The following TWIST1 variants were observed in gnomAD, a reference collection of about 807,000 sequenced individuals.
The protein encoded by TWIST1 is twist family bHLH transcription factor 1, also known as twist-related protein 1.
TWIST1 carries 8 observed loss-of-function variants against 12.9 expected under a neutral mutation model. The observed-to-expected ratio is 0.62, with a 90% CI of 0.37 to 1.12. The LOEUF is 1.12. Ranked by LOEUF, TWIST1 falls within the 50% of genes most tolerant of loss-of-function variation. The pLI is 0.02. For synonymous variants in TWIST1, 169 were observed against 138.7 expected, an observed-to-expected ratio of 1.22 and a Z score of -1.54; for missense variants, 268 against 299.7, an observed-to-expected ratio of 0.89 and a Z score of 0.78.
At position 19,117,423 on chromosome 7, in the gene TWIST1, A is replaced by C. The variant is rs548571073; in HGVS notation, c.-102T>G. Reference sequence around the variant, plus strand: ...CCCGCGCGCGGCGCCGGCCCGGGCGATGCGGCCCGCGGAGGAGAGAGCAGG... The same window carrying C: ...CCCGCGCGCGGCGCCGGCCCGGGCGCTGCGGCCCGCGGAGGAGAGAGCAGG... On this transcript the variant is annotated 5_prime_UTR_variant, in exon 1 of 2. Transcript: ENST00000242261. 4 of 1,197,272 alleles carry C rather than the reference A, an allele frequency of 3.3e-6. No individual in the cohort carries two copies. The highest frequency in any genetic ancestry group is 2.6e-5 in the South Asian group (1 of 37,942). The allele number at this position is 1,197,272 out of a possible 1,614,324, so 74.2% of individuals were successfully genotyped here. A position where few individuals can be genotyped will look rare whatever the true frequency, so the allele number is the denominator to read the frequency against.
downstream of TWIST1, chr7:19,113,426 G>A (rs1788509191): frequency 1.3e-5 from 2 of 152,074 alleles, no homozygotes; most frequent in African/African-American, 2.4e-5. Flanking sequence ...TTTAAATAAG[G>A]GTAGGTAGCA....
At chr7:19,114,079 T>G (rs1788520689), downstream of TWIST1, 1 of 152,088 alleles carries the variant, frequency 6.6e-6, no homozygotes, top group African/African-American at 2.4e-5. Context: ...ATTTCTAACC[T>G]GCCTTACACA....
chr7:19,113,249 TAAAGG>T (rs970306104), downstream of TWIST1: 1 of 152,084 alleles, frequency 6.6e-6, no homozygotes, highest in Non-Finnish European at 1.5e-5. Flanking sequence ...AATAGCACAG[TAAAGG>T]AAACATTAAA....
Position 19,117,337 on chromosome 7 carries a change from G to A in TWIST1, c.-16C>T. 2 of 1,445,742 alleles carry A rather than the reference G, an allele frequency of 1.4e-6. No individual in the cohort carries two copies. The highest frequency in any genetic ancestry group is 2.4e-5 in the Admixed American group (1 of 42,334). 89.6% of individuals were successfully genotyped at this position (1,445,742 alleles called of 1,614,324 possible). On this transcript the variant is annotated 5_prime_UTR_variant, in exon 1 of 2. Transcript: ENST00000242261. ...CCTGCATCATCTCTCGAGCGGCGAC[G>A]CGTGGCCTCGCGGGCCCGGGGCAGA...
Position 19,117,395 on chromosome 7 carries a change from T to G in TWIST1, c.-74A>C, listed in dbSNP as rs1040535200. On this transcript the variant is annotated 5_prime_UTR_variant, in exon 1 of 2. Transcript: ENST00000242261. ...AGCGGGGCGCCTCAGCCCGCCAGCT[T>G]CCCCCGCGCGCGGCGCCGGCCCGGG... The G allele has an allele frequency of 3.1e-6, 4 of 1,297,210 alleles. No homozygotes were observed. The African/African-American group carries it at 6.3e-5, about 20-fold the overall frequency. 80.4% of individuals were successfully genotyped at this position (1,297,210 alleles called of 1,614,324 possible). A position where few individuals can be genotyped will look rare whatever the true frequency, so the allele number is the denominator to read the frequency against.
chr7:19,117,256 T>A lies in TWIST1; in HGVS notation c.66A>T (p.Glu22Asp). The A allele has an allele frequency of 6.8e-7, 1 of 1,460,150 alleles. No homozygotes were observed. The highest frequency in any genetic ancestry group is 1.3e-5 in the South Asian group (1 of 77,680). The allele number at this position is 1,460,150 out of a possible 1,614,324, so 90.4% of individuals were successfully genotyped here. ...PADDSLSNSE[E>D]EPDRQQPPSG... ...TCGGCGGCTGCTGCCGGTCTGGCTC[T>A]TCCTCGCTGTTGCTCAGGCTGTCGT... Residue 22 changes from glutamate to aspartate, a missense_variant, in exon 1 of 2, where the codon GAA becomes GAT. Around this residue, in one of 2 missense-constraint regions of TWIST1, gnomAD observed 189 missense variants for 172.1 expected, o/e 1.10. Transcript: ENST00000242261.
At chr7:19,116,612 C>A (rs1339137126) in intron 1 of TWIST1, 59 bp downstream of exon 1, 1 of 1,376,510 alleles carries the variant, frequency 7.3e-7, no homozygotes, top group African/African-American at 1.4e-5. Context: ...GAACCGCGGC[C>A]TGGCCGGCCT....
Position 19,117,376 on chromosome 7 carries a change from G to T in TWIST1, c.-55C>A. The T allele has an allele frequency of 1.5e-6, 2 of 1,371,002 alleles. No individual in the cohort carries two copies. The highest frequency in any genetic ancestry group is 1.9e-6 in the Non-Finnish European group (2 of 1,054,820). 84.9% of individuals were successfully genotyped at this position (1,371,002 alleles called of 1,614,324 possible). On this transcript the variant is annotated 5_prime_UTR_variant, in exon 1 of 2. Transcript: ENST00000242261. Reference sequence around the variant, plus strand: ...GCCCGGGGCAGAGGAGAAGAGCGGGGCGCCTCAGCCCGCCAGCTTCCCCCG... The same window carrying T: ...GCCCGGGGCAGAGGAGAAGAGCGGGTCGCCTCAGCCCGCCAGCTTCCCCCG...
chr7:19,117,604 G>A lies in TWIST1; in HGVS notation c.-283C>T. On this transcript the variant is annotated 5_prime_UTR_variant, in exon 1 of 2. Coordinates refer to ENST00000242261, the MANE Select transcript of TWIST1 (RefSeq NM_000474.4). ...CGCCAGGCCTCCTGGAAACGGTGCC[G>A]GTGCTGCAGAGCCCGCGAGGTGTCT... The A allele has an allele frequency of 3.7e-6, 4 of 1,081,786 alleles. No individual in the cohort carries two copies. The highest frequency in any genetic ancestry group is 4.5e-6 in the Non-Finnish European group (4 of 882,592). The allele number at this position is 1,081,786 out of a possible 1,614,324, so 67.0% of individuals were successfully genotyped here.
chr7:19,116,875 G>A lies in TWIST1; in HGVS notation c.447C>T (p.Leu149=), dbSNP rs764821930. The A allele has an allele frequency of 1.9e-6, 3 of 1,614,174 alleles. No individual in the cohort carries two copies. In the South Asian group the frequency reaches 3.3e-5, roughly 18 times the overall value. The part of the protein sequence containing the change: ...PSDKLSKIQT[L]KLAARYIDFL... ...AGTCGATGTACCTGGCCGCCAGCTT[G>A]AGGGTCTGAATCTTGCTCAGCTTGT... Residue 149 remains leucine (L), a synonymous_variant, in exon 1 of 2, where the codon CTC becomes CTT. Transcript: ENST00000242261.
rs779988331 is a variant in TWIST1 at position 19,117,019 on chromosome 7, C to T, written c.303G>A (p.Gln101=). The change falls in exon 1 of 2, where the codon CAG becomes CAA. Residue 101 remains glutamine (Q), a synonymous_variant. Coordinates refer to ENST00000242261, the MANE Select transcript of TWIST1 (RefSeq NM_000474.4). ...GGSSSGGGSP[Q]SYEELQTQRV... ...GCTGCGTCTGCAGCTCCTCGTAAGA[C>T]TGCGGACTCCCGCCGCCGCTGCTGC... 2 of 1,536,470 alleles carry T rather than the reference C, an allele frequency of 1.3e-6. No homozygotes were observed. Among genetic ancestry groups the T allele is most frequent in the South Asian group, 2.5e-5 (2 of 81,298 alleles).
rs1788573737 is a variant in TWIST1 at position 19,116,664 on chromosome 7, T to A, written c.*42+7A>T. Reference sequence around the variant, plus strand: ...GAGGCGAAGGGGTGCAGCGGCGCGGTCCTTACCTAGGTCTCCGGCCCTGCT... The same window carrying A: ...GAGGCGAAGGGGTGCAGCGGCGCGGACCTTACCTAGGTCTCCGGCCCTGCT... On this transcript the variant is annotated splice_region_variant and intron_variant, in intron 1 of 1. Coordinates refer to ENST00000242261, the MANE Select transcript of TWIST1 (RefSeq NM_000474.4). 1.2e-5 allele frequency: 19 copies of A among 1,553,132 alleles called. No homozygotes were observed. The highest frequency in any genetic ancestry group is 1.7e-5 in the Non-Finnish European group (19 of 1,151,236).
At chr7:19,114,976 ATTTACAC>A (rs1788536688), downstream of TWIST1, among the ~76,000 whole-genome samples, 1 of 152,290 alleles carries the variant, frequency 6.6e-6, no homozygotes, top group Middle Eastern at 3.4e-3. Context: ...TTTTCTGCTG[ATTTACAC>A]TTTATTTTCT....
At position 19,116,779 on chromosome 7, in the gene TWIST1, C is replaced by T; in HGVS notation, c.543G>A (p.Glu181=). Residue 181 remains glutamate (E), a synonymous_variant, in exon 1 of 2, where the codon GAG becomes GAA. Transcript: ENST00000242261. ...KMASCSYVAH[E]RLSYAFSVWR... Reference sequence around the variant, plus strand: ...AGACCGAGAAGGCGTAGCTGAGCCGCTCGTGAGCCACATAGCTGCAGCTTG... The same window carrying T: ...AGACCGAGAAGGCGTAGCTGAGCCGTTCGTGAGCCACATAGCTGCAGCTTG... The T allele has an allele frequency of 6.2e-7, 1 of 1,613,954 alleles. No individual in the cohort carries two copies. The highest frequency in any genetic ancestry group is 8.5e-7 in the Non-Finnish European group (1 of 1,179,932).
Position 19,117,007 on chromosome 7 carries a change from C to T in TWIST1, c.315G>A (p.Glu105=). ...TGGCCATGACCCGCTGCGTCTGCAG[C>T]TCCTCGTAAGACTGCGGACTCCCGC... ...SGGGSPQSYE[E]LQTQRVMANV... The change falls in exon 1 of 2, where the codon GAG becomes GAA. Residue 105 remains glutamate (E), a synonymous_variant. Transcript: ENST00000242261. The T allele has an allele frequency of 6.2e-7, 1 of 1,604,154 alleles. No homozygotes were observed. Among genetic ancestry groups the T allele is most frequent in the Non-Finnish European group, 8.5e-7 (1 of 1,178,306 alleles).
Position 19,116,703 on chromosome 7 carries a change from G to T in TWIST1, c.*10C>A, listed in dbSNP as rs1362688958. 4.4e-6 allele frequency: 7 copies of T among 1,595,060 alleles called. No individual in the cohort carries two copies. Among genetic ancestry groups the T allele is most frequent in the East Asian group, 2.3e-5 (1 of 43,864 alleles). On this transcript the variant is annotated 3_prime_UTR_variant, in exon 1 of 2. Transcript: ENST00000242261. ...TCCGGCCCTGCTGAGGGGGTGGGGGGCTCCGCCTGCTAGTGGGACGCGGAC... is the reference window on the plus strand; with the variant it reads ...TCCGGCCCTGCTGAGGGGGTGGGGGTCTCCGCCTGCTAGTGGGACGCGGAC...
chr7:19,115,115 CATA>C (rs752657038), downstream of TWIST1, among the ~76,000 whole-genome samples: 2 of 152,132 alleles, frequency 1.3e-5, no homozygotes, highest in Non-Finnish European at 2.9e-5. Context: ...ACAAAAAGTA[CATA>C]ATAAGAGAAT....
chr7:19,115,056 C>A (rs1463374674), downstream of TWIST1, among the ~76,000 whole-genome samples: 2 of 152,042 alleles, frequency 1.3e-5, no homozygotes, highest in Non-Finnish European at 2.9e-5. Context: ...TATGTTTTCA[C>A]TGAAAAGAAC....
chr7:19,116,815 G>A lies in TWIST1; in HGVS notation c.507C>T (p.Asp169=), dbSNP rs1197325556. 1.9e-6 allele frequency: 3 copies of A among 1,614,172 alleles called. No homozygotes were observed. Among genetic ancestry groups the A allele is most frequent in the Admixed American group, 1.7e-5 (1 of 60,030 alleles). ...CATAGCTGCAGCTTGCCATCTTGGA[G>A]TCCAGCTCGTCGCTCTGGAGGACCT... ...LYQVLQSDEL[D]SKMASCSYVA... The change falls in exon 1 of 2, where the codon GAC becomes GAT. Residue 169 remains aspartate (D), a synonymous_variant. Coordinates refer to ENST00000242261, the MANE Select transcript of TWIST1 (RefSeq NM_000474.4).
Sources: allele counts gnomAD v4.1 joint callset (sites outside exome capture counted in the v4.1 genomes callset), GRCh38; gene constraint gnomAD v4.1.1; regional missense constraint gnomAD v4.1.1; transcripts MANE v1.5; gene names NCBI Gene and HGNC (gene_info 2026-07-23, HGNC 2026-07-21).